Variants in ALKAL2 observed in about 807,000 individuals in gnomAD.
ALKAL2 encodes ALK and LTK ligand 2, also known as AUG-alpha.
A neutral mutation model predicts 18.5 loss-of-function variants in ALKAL2; 8 were observed. The ratio of observed to expected loss-of-function variants is 0.43; its 90% CI spans 0.25 to 0.78. ALKAL2 has a LOEUF of 0.78. ALKAL2 is among the 30% of genes least tolerant of loss of function. The probability of loss-of-function intolerance (pLI) is 0.22; values close to 1 mark genes in which losing one functional copy is unlikely to be tolerated. For missense variants in ALKAL2, 241 were observed against 211.2 expected (o/e 1.14, Z -0.88); for synonymous variants, 135 against 95.8 (o/e 1.41, Z -2.39).
intron 5 of ALKAL2, among the ~76,000 whole-genome samples, chr2:282,645 A>G (rs1321945091): frequency 1.3e-5 from 2 of 152,156 alleles, no homozygotes; most frequent in African/African-American, 2.4e-5. Flanking sequence ...AAAAAAAACC[A>G]TTGATAGAAA....
intron 4 of ALKAL2, among the ~76,000 whole-genome samples, chr2:284,942 A>G (rs1484354643): frequency 3.9e-5 from 6 of 152,168 alleles, no homozygotes; most frequent in Non-Finnish European, 8.8e-5. Flanking sequence ...AGAAAACAGG[A>G]GAGTACTAGT....
Position 287,886 on chromosome 2 carries a change from G to A in ALKAL2, c.-51C>T. 8.0e-7 allele frequency: 1 copy of A among 1,256,554 alleles called. No homozygotes were observed. The highest frequency in any genetic ancestry group is 1.0e-6 in the Non-Finnish European group (1 of 1,004,680). 77.8% of individuals were successfully genotyped at this position (1,256,554 alleles called of 1,614,324 possible). A position where few individuals can be genotyped will look rare whatever the true frequency, so the allele number is the denominator to read the frequency against. On this transcript the variant is annotated 5_prime_UTR_variant, in exon 2 of 6. Coordinates refer to ENST00000403610, the MANE Select transcript of ALKAL2 (RefSeq NM_001002919.3). The stretch of plus-strand genomic sequence containing the variant: ...GAGACTCCGACACGCGCCGAGAGCT[G>A]GGCTCGCTGCGAGAGAAGGGGCGCG...
intron 4 of ALKAL2, chr2:283,713 C>T (rs1670424027): frequency 2.4e-6 from 1 of 410,780 alleles, no homozygotes; most frequent in Admixed American, 6.4e-5. Context: ...TACACAGTCT[C>T]CCATTCCACT....
intron 5 of ALKAL2, among the ~76,000 whole-genome samples, chr2:282,125 G>GA (rs1670373886): frequency 6.6e-6 from 1 of 152,146 alleles, no homozygotes; most frequent in African/African-American, 2.4e-5. Context: ...AGATGGAGTG[G>GA]GGGATGCATG....
At position 283,157 on chromosome 2, in the gene ALKAL2, C is replaced by T. The variant is rs755745392; in HGVS notation, c.407G>A (p.Arg136Lys). 6.2e-7 allele frequency: 1 copy of T among 1,613,190 alleles called. No individual in the cohort carries two copies. The highest frequency in any genetic ancestry group is 8.5e-7 in the Non-Finnish European group (1 of 1,179,640). ...ACTGACAGCCAGCCGGGTAAGAAGC[C>T]TGGCGCATCTTTTATAGTCTACGGT... ...TIPAYYKRCA[R>K]LLTRLAVSPV... Residue 136 changes from arginine (R) to lysine (K), a missense_variant, in exon 5 of 6, where the codon AGG becomes AAG. Transcript: ENST00000403610.
chr2:283,565 C>T, intron 4 of ALKAL2: 1 of 985,372 alleles, frequency 1.0e-6, no homozygotes. Context: ...CTTGAGTTGA[C>T]CATGGGACAA....
chr2:283,049 C>G lies in ALKAL2; in HGVS notation c.453+62G>C. The G allele has an allele frequency of 3.3e-6, 5 of 1,504,058 alleles. No homozygotes were observed. In the South Asian group the frequency reaches 6.2e-5, roughly 19 times the overall value. 93.2% of individuals were successfully genotyped at this position (1,504,058 alleles called of 1,614,324 possible). On this transcript the variant is annotated intron_variant, in intron 5 of 5. Coordinates refer to ENST00000403610, the MANE Select transcript of ALKAL2 (RefSeq NM_001002919.3). Reference sequence around the variant, plus strand: ...TGTTCCTAAACTCCCATGAATTTTTCATGTCCCAAGCGGGATTCCCATCTT... The same window carrying G: ...TGTTCCTAAACTCCCATGAATTTTTGATGTCCCAAGCGGGATTCCCATCTT...
chr2:280,095 GT>G lies in ALKAL2; in HGVS notation c.*51del. 1 of 1,611,780 alleles carries G rather than the reference GT, an allele frequency of 6.2e-7. No homozygotes were observed. Among genetic ancestry groups the G allele is most frequent in the Middle Eastern group, 1.7e-4 (1 of 6,056 alleles). ...TAAAGATAGTTCTGTTTCCCTGTTG[GT>G]TTCCAAGGCACTTCTCATGGCTCCT... On this transcript the variant is annotated 3_prime_UTR_variant, in exon 6 of 6. Coordinates refer to ENST00000403610, the MANE Select transcript of ALKAL2 (RefSeq NM_001002919.3).
At position 287,612 on chromosome 2, in the gene ALKAL2, C is replaced by G. The variant is rs1379426173; in HGVS notation, c.224G>C (p.Gly75Ala). The change falls in exon 2 of 6, where the codon GGG (glycine) becomes GCG (alanine). Residue 75 changes from glycine (G) to alanine (A), a missense_variant. Coordinates refer to ENST00000403610, the MANE Select transcript of ALKAL2 (RefSeq NM_001002919.3). ...DCALGRAEAA[G>A]LGPSPEQRVE... ...TCGCTGCTCCGGCGAAGGCCCCAGC[C>G]CCGCCGCCTCCGCGCGGCCCAGGGC... 19 of 1,476,910 alleles carry G rather than the reference C, an allele frequency of 1.3e-5. No individual in the cohort carries two copies. Among genetic ancestry groups the G allele is most frequent in the Non-Finnish European group, 1.6e-5 (18 of 1,119,922 alleles). The allele number at this position is 1,476,910 out of a possible 1,614,324, so 91.5% of individuals were successfully genotyped here.
chr2:286,959 C>A (rs1670530757), intron 2 of ALKAL2: 1 of 152,148 alleles, frequency 6.6e-6, no homozygotes, highest in African/African-American at 2.4e-5. Flanking sequence ...TGGGGAGAAC[C>A]CTGCAAGGGC....
chr2:282,420 G>A (rs1670383602), intron 5 of ALKAL2, among the ~76,000 whole-genome samples: 1 of 152,114 alleles, frequency 6.6e-6, no homozygotes, highest in African/African-American at 2.4e-5. Context: ...AAGACACATA[G>A]TAAGTATAAA....
chr2:287,633 A>C lies in ALKAL2; in HGVS notation c.203T>G (p.Leu68Arg), dbSNP rs747940609. ...GLQLLGRDCA[L>R]GRAEAAGLGP... ...CAGCCCCGCCGCCTCCGCGCGGCCC[A>C]GGGCGCAGTCCCGCCCGAGGAGCTG... The change falls in exon 2 of 6, where the codon CTG (leucine) becomes CGG (arginine). Residue 68 changes from leucine (L) to arginine (R), a missense_variant. Leu to Arg is a moderately radical substitution (Grantham distance 102). Transcript: ENST00000403610. 3 of 1,481,530 alleles carry C rather than the reference A, an allele frequency of 2.0e-6. No individual in the cohort carries two copies. Among genetic ancestry groups the C allele is most frequent in the Non-Finnish European group, 2.7e-6 (3 of 1,122,198 alleles). 91.8% of individuals were successfully genotyped at this position (1,481,530 alleles called of 1,614,324 possible). A position where few individuals can be genotyped will look rare whatever the true frequency, so the allele number is the denominator to read the frequency against.
At chr2:280,828 A>T (rs1558267100) in intron 5 of ALKAL2, among the ~76,000 whole-genome samples, 1 of 152,166 alleles carries the variant, frequency 6.6e-6, no homozygotes, top group Non-Finnish European at 1.5e-5. Flanking sequence ...CGGCAAATGG[A>T]TTTGCTCTGA....
chr2:282,183 CCCTT>C (rs1480548526), intron 5 of ALKAL2, among the ~76,000 whole-genome samples: 1 of 152,226 alleles, frequency 6.6e-6, no homozygotes, highest in Non-Finnish European at 1.5e-5. Context: ...ATGCACACAA[CCCTT>C]CTGCTGCTAC....
chr2:280,061 G>T lies in ALKAL2; in HGVS notation c.*86C>A. 7.0e-7 allele frequency: 1 copy of T among 1,429,328 alleles called. No individual in the cohort carries two copies. The highest frequency in any genetic ancestry group is 9.9e-7 in the Non-Finnish European group (1 of 1,012,318). 88.5% of individuals were successfully genotyped at this position (1,429,328 alleles called of 1,614,324 possible). ...AAAAATAAATCTCTTGTCCATGAGG[G>T]GATGTGTATAAAGATAGTTCTGTTT... On this transcript the variant is annotated 3_prime_UTR_variant, in exon 6 of 6. Transcript: ENST00000403610.
chr2:286,637 T>G (rs983646945), intron 2 of ALKAL2: 1 of 258,360 alleles, frequency 3.9e-6, no homozygotes, highest in East Asian at 6.9e-5. Context: ...AAGAAAACTG[T>G]TTTTTTTTTC....
chr2:285,556 T>G (rs769745412), intron 4 of ALKAL2, among the ~76,000 whole-genome samples: 4 of 152,174 alleles, frequency 2.6e-5, no homozygotes, highest in Admixed American at 6.5e-5. Flanking sequence ...TATGAATAAA[T>G]AGCCAAAAGC....
chr2:287,343 G>A (rs1670548630), intron 2 of ALKAL2: 2 of 386,762 alleles, frequency 5.2e-6, no homozygotes, highest in Non-Finnish European at 9.1e-6. Flanking sequence ...ACAGTTTAGT[G>A]TGGAAACCAC....
intron 5 of ALKAL2, among the ~76,000 whole-genome samples, chr2:282,736 G>T (rs6708541): frequency 0.66 from 100,138 of 152,120 alleles, 33,721 homozygotes; most frequent in East Asian, 0.83. Context: ...TGAATTTGCA[G>T]GGACAATGTT....
Sources: allele counts gnomAD v4.1 joint callset (sites outside exome capture counted in the v4.1 genomes callset), GRCh38; gene constraint gnomAD v4.1.1; transcripts MANE v1.5; gene names NCBI Gene and HGNC (gene_info 2026-07-23, HGNC 2026-07-21).